Variants in CRYL1 observed in about 807,000 individuals in gnomAD.
CRYL1 encodes the protein crystallin lambda 1.
In CRYL1, 29 loss-of-function variants were observed where a neutral mutation model predicts 36.6. That is an observed-to-expected ratio of 0.79 (90% CI 0.59 to 1.08). The LOEUF is 1.08. Ranked by LOEUF, CRYL1 falls within the 50% of genes least tolerant of loss-of-function variation. The pLI, the probability that CRYL1 is intolerant of heterozygous loss-of-function variation, is 0.00. For synonymous variants in CRYL1, 152 were observed against 151.5 expected (o/e 1.00, Z -0.02); for missense variants, 411 against 407.9 (o/e 1.01, Z -0.06).
chr13:20,463,382 A>T (rs1249726465), intron 3 of CRYL1, among the ~76,000 whole-genome samples: 1 of 132,842 alleles, frequency 7.5e-6, no homozygotes, highest in Non-Finnish European at 1.6e-5. Flanking sequence ...TAAGATTAAG[A>T]CACATAGTGA....
intron 3 of CRYL1, among the ~76,000 whole-genome samples, chr13:20,483,469 T>G (rs772124680): frequency 1.3e-5 from 2 of 151,930 alleles, no homozygotes; most frequent in Admixed American, 6.6e-5. Context: ...TGAAGTCAGC[T>G]TTCTCACTTG....
chr13:20,419,810 T>G (rs1039989408), intron 5 of CRYL1, among the ~76,000 whole-genome samples: 45 of 152,220 alleles, frequency 3.0e-4, no homozygotes, highest in African/African-American at 1.1e-3. Context: ...TTATACATAC[T>G]GTACCCACAT....
intron 6 of CRYL1, among the ~76,000 whole-genome samples, chr13:20,407,067 CTTTTATTCTG>C (rs2031396506): frequency 6.7e-6 from 1 of 149,132 alleles, no homozygotes; most frequent in Admixed American, 6.6e-5. Context: ...TTCTACAAAA[CTTTTATTCTG>C]TTTTATTCTG....
At position 20,404,149 on chromosome 13, in the gene CRYL1, T is replaced by G. The variant is rs368047116; in HGVS notation, c.940A>C (p.Ser314Arg). 2 of 1,613,610 alleles carry G rather than the reference T, an allele frequency of 1.2e-6. No homozygotes were observed. Among genetic ancestry groups the G allele is most frequent in the African/African-American group, 2.7e-5 (2 of 74,870 alleles). Residue 314 changes from serine to arginine, a missense_variant, in exon 8 of 8, where the codon AGT becomes CGT. Physicochemically the swap from Ser to Arg is moderately radical, Grantham distance 110. Coordinates refer to ENST00000298248, the MANE Select transcript of CRYL1 (RefSeq NM_015974.3). ...ECLMRLAKLK[S>R]QVQPQ Reference sequence around the variant, plus strand: ...GAAATTCACTGGGGCTGCACTTGACTCTTCAACTTGGCGAGTCTCATGAGG... The same window carrying G: ...GAAATTCACTGGGGCTGCACTTGACGCTTCAACTTGGCGAGTCTCATGAGG...
At chr13:20,457,189 C>A (rs1290904037) in intron 3 of CRYL1, among the ~76,000 whole-genome samples, 1 of 152,178 alleles carries the variant, frequency 6.6e-6, no homozygotes, top group Admixed American at 6.5e-5. Context: ...TGGGCTGTGA[C>A]CCCTCCAAGT....
At chr13:20,516,425 C>A (rs2033999165) in intron 1 of CRYL1, among the ~76,000 whole-genome samples, 1 of 152,034 alleles carries the variant, frequency 6.6e-6, no homozygotes, top group Non-Finnish European at 1.5e-5. Context: ...GTTTCCCTGG[C>A]CCCTCTTCAA....
At chr13:20,508,889 C>A (rs796592926) in intron 2 of CRYL1, among the ~76,000 whole-genome samples, 17 of 92,368 alleles carry the variant, frequency 1.8e-4, no homozygotes, top group African/African-American at 8.4e-4. Context: ...AAAAAAAAAA[C>A]TGACAACAAC....
At chr13:20,524,006 C>A (rs1329550515) in intron 1 of CRYL1, among the ~76,000 whole-genome samples, 1 of 152,172 alleles carries the variant, frequency 6.6e-6, no homozygotes, top group African/African-American at 2.4e-5. Context: ...ACAACTGTAA[C>A]CCCAACACTT....
chr13:20,448,982 A>C (rs948793753), intron 3 of CRYL1, among the ~76,000 whole-genome samples: 1 of 152,218 alleles, frequency 6.6e-6, no homozygotes, highest in Non-Finnish European at 1.5e-5. Context: ...AGCCTGGCCA[A>C]CATGGTGAAA....
intron 2 of CRYL1, among the ~76,000 whole-genome samples, chr13:20,505,706 G>A (rs1234259511): frequency 6.6e-6 from 1 of 152,230 alleles, no homozygotes; most frequent in Non-Finnish European, 1.5e-5. Flanking sequence ...CCACAAAACA[G>A]GGTGTCAGGG....
chr13:20,457,059 G>C (rs532442633), intron 3 of CRYL1, among the ~76,000 whole-genome samples: 74 of 152,216 alleles, frequency 4.9e-4, no homozygotes, highest in African/African-American at 1.7e-3. Flanking sequence ...CCAGCTTCCA[G>C]TCCCAGCTTG....
At chr13:20,474,504 G>A (rs2033125672) in intron 3 of CRYL1, among the ~76,000 whole-genome samples, 1 of 152,276 alleles carries the variant, frequency 6.6e-6, no homozygotes. Context: ...GCCCCTATTT[G>A]ACAAGATGCA....
At chr13:20,473,813 T>C (rs915048442) in intron 3 of CRYL1, among the ~76,000 whole-genome samples, 3 of 152,218 alleles carry the variant, frequency 2.0e-5, no homozygotes, top group African/African-American at 4.8e-5. Flanking sequence ...CTTTTCATCA[T>C]GATTTATACA....
chr13:20,491,442 T>C (rs1027127342), intron 2 of CRYL1, among the ~76,000 whole-genome samples: 1 of 152,176 alleles, frequency 6.6e-6, no homozygotes, highest in Non-Finnish European at 1.5e-5. Flanking sequence ...CCATCCCCAG[T>C]GAGCAGGCAT....
At chr13:20,447,910 A>G (rs1387493740) in intron 3 of CRYL1, among the ~76,000 whole-genome samples, 1 of 152,256 alleles carries the variant, frequency 6.6e-6, no homozygotes, top group East Asian at 1.9e-4. Flanking sequence ...CTATTCAGGT[A>G]TCTGACTTTC....
chr13:20,493,954 C>T (rs892751305), intron 2 of CRYL1, among the ~76,000 whole-genome samples: 7 of 152,316 alleles, frequency 4.6e-5, no homozygotes, highest in Admixed American at 3.3e-4. Flanking sequence ...CTTACTCCCT[C>T]GCCTGGTATC....
chr13:20,430,948 G>A (rs893441536), intron 5 of CRYL1: 2 of 985,340 alleles, frequency 2.0e-6, no homozygotes, highest in Non-Finnish European at 2.4e-6. Flanking sequence ...TCAAACCGCC[G>A]CCCTAACAGT....
intron 2 of CRYL1, among the ~76,000 whole-genome samples, chr13:20,503,747 A>C (rs2033744647): frequency 6.6e-6 from 1 of 152,190 alleles, no homozygotes; most frequent in Non-Finnish European, 1.5e-5. Flanking sequence ...TAAAGGTTTC[A>C]AATCAGGAGA....
intron 4 of CRYL1, 45 bp downstream of exon 4, chr13:20,439,544 CACAG>C: frequency 3.6e-6 from 2 of 561,750 alleles, no homozygotes; most frequent in South Asian, 3.7e-5. Context: ...AAAAAAAAAA[CACAG>C]AATGAGATGA....
Sources: gnomAD v4.1 joint callset for allele counts (sites outside exome capture counted in the v4.1 genomes callset) on GRCh38, gnomAD v4.1.1 for gene constraint, MANE v1.5 for transcripts, NCBI Gene and HGNC (gene_info 2026-07-23, HGNC 2026-07-21) for gene names.